FKBP5: variants seen among roughly 807,000 people sequenced by gnomAD.
FKBP5 encodes the protein FKBP prolyl isomerase 5, also known as peptidyl-prolyl cis-trans isomerase FKBP5.
In FKBP5, 23 loss-of-function variants were observed where a neutral mutation model predicts 50.5. The ratio of observed to expected loss-of-function variants is 0.46; its 90% CI spans 0.33 to 0.65. The LOEUF is 0.65. FKBP5 is among the 30% of genes least tolerant of loss of function. FKBP5 has a pLI of 0.02. For synonymous variants in FKBP5, 176 were observed against 190.6 expected (o/e 0.92, Z 0.63); for missense variants, 411 against 553.1 (o/e 0.74, Z 2.58).
upstream of FKBP5, among the ~76,000 whole-genome samples, chr6:35,689,397 C>A (rs960547109): frequency 2.6e-5 from 4 of 152,092 alleles, no homozygotes; most frequent in African/African-American, 9.7e-5. Flanking sequence ...GTCTAAGATG[C>A]CCAGTCGGGA....
chr6:35,677,199 A>G (rs981314430), intron 1 of FKBP5, among the ~76,000 whole-genome samples: 15 of 152,118 alleles, frequency 9.9e-5, no homozygotes, highest in Middle Eastern at 6.8e-3. Context: ...TCAGCCTCCC[A>G]AGTAGCTGGG....
intron 6 of FKBP5, among the ~76,000 whole-genome samples, chr6:35,592,705 A>G (rs1229812432): frequency 1.3e-5 from 2 of 152,226 alleles, no homozygotes; most frequent in Non-Finnish European, 2.9e-5. Context: ...GCCTTAGACC[A>G]GCAGATCTCA....
chr6:35,671,824 A>G (rs189944233), intron 1 of FKBP5, among the ~76,000 whole-genome samples: 12 of 152,332 alleles, frequency 7.9e-5, no homozygotes, highest in African/African-American at 2.9e-4. Context: ...AGAAACCTAC[A>G]CACACAAACT....
At position 35,694,441 on chromosome 6, in the gene FKBP5, C is replaced by G. The variant is rs11969123; in HGVS notation, c.-20+25887G>C. Among the ~76,000 whole-genome samples, 1,069 of 152,346 alleles carry G rather than the reference C, an allele frequency of 7.0e-3. 11 individuals carry two copies. Among genetic ancestry groups the G allele is most frequent in the African/African-American group, 0.022 (923 of 41,572 alleles). ...GGATTATAAGTGTGAGCCACCACTC[C>G]CTGCCCCATTATCAGTTTTTAGTGA... On this transcript the variant is annotated intron_variant, in intron 2 of 11. Transcript: ENST00000536438.
chr6:35,582,302 T>C, intron 8 of FKBP5: 6 of 985,206 alleles, frequency 6.1e-6, no homozygotes, highest in Non-Finnish European at 6.0e-6. Flanking sequence ...AGATTTGCTA[T>C]GGACTGAATT....
At chr6:35,583,515 GAA>G (rs1432835683) in intron 8 of FKBP5, 2 of 985,262 alleles carry the variant, frequency 2.0e-6, no homozygotes, top group Non-Finnish European at 2.4e-6. Context: ...TCCAATTAGC[GAA>G]AAGTCTGTCT....
chr6:35,684,569 C>G (rs1765769753), intron 1 of FKBP5, among the ~76,000 whole-genome samples: 1 of 152,164 alleles, frequency 6.6e-6, no homozygotes, highest in Admixed American at 6.5e-5. Context: ...TCACAATTTT[C>G]AATATCTTTT....
intron 2 of FKBP5, among the ~76,000 whole-genome samples, chr6:35,712,447 G>C (rs1427628727): frequency 2.0e-5 from 3 of 152,036 alleles, no homozygotes; most frequent in Non-Finnish European, 2.9e-5. Flanking sequence ...GTATCTTCCA[G>C]GGAGATATGC....
chr6:35,702,567 C>T (rs544272476), intron 2 of FKBP5, among the ~76,000 whole-genome samples: 2 of 151,908 alleles, frequency 1.3e-5, no homozygotes, highest in Non-Finnish European at 2.9e-5. Context: ...ATTCTACTGC[C>T]TCAACTTCCC....
chr6:35,576,841 C>T (rs189902349), intron 10 of FKBP5, among the ~76,000 whole-genome samples, 153 bp downstream of exon 10: 15 of 152,292 alleles, frequency 9.8e-5, no homozygotes, highest in Admixed American at 2.6e-4. Flanking sequence ...CTGCCCTACT[C>T]GACCTTTGGA....
At chr6:35,692,580 CCT>C (rs1766008913), upstream of FKBP5, among the ~76,000 whole-genome samples, 1 of 152,188 alleles carries the variant, frequency 6.6e-6, no homozygotes, top group South Asian at 2.1e-4. Flanking sequence ...GGGCGGATCA[CCT>C]GAGGTCAGGA....
intron 2 of FKBP5, among the ~76,000 whole-genome samples, chr6:35,642,430 T>G (rs1018757144): frequency 3.3e-5 from 5 of 151,996 alleles, no homozygotes; most frequent in African/African-American, 1.2e-4. Context: ...AGATGCCCTC[T>G]CTCAAAAATT....
chr6:35,586,439 T>C (rs879202523), intron 8 of FKBP5: 2 of 985,388 alleles, frequency 2.0e-6, no homozygotes, highest in Admixed American at 1.2e-4. Flanking sequence ...TCTCTCCTTT[T>C]ATCATATGCT....
chr6:35,634,006 AT>A (rs897634913), intron 3 of FKBP5, among the ~76,000 whole-genome samples: 4 of 152,196 alleles, frequency 2.6e-5, no homozygotes, highest in African/African-American at 9.6e-5. Flanking sequence ...TTTAAAAAAA[AT>A]AACTCAGAAA....
intron 2 of FKBP5, among the ~76,000 whole-genome samples, chr6:35,716,108 G>A (rs983844140): frequency 5.3e-5 from 8 of 152,088 alleles, no homozygotes; most frequent in African/African-American, 9.7e-5. Flanking sequence ...GCAATGGCTC[G>A]CATCTGTAAT....
In FKBP5 at chr6:35,605,700, C is replaced by T. The variant is rs150980945; in HGVS notation, c.509-8296G>A. On this transcript the variant is annotated intron_variant, in intron 5 of 10. Coordinates refer to ENST00000357266, the MANE Select transcript of FKBP5 (RefSeq NM_004117.4). The stretch of plus-strand genomic sequence containing the variant: ...GGTGTGAACCACTGCACCCAGCCGT[C>T]AATATCATACTGAACGGGCAAAAGT... Among the ~76,000 whole-genome samples the T allele has an allele frequency of 7.3e-3, 1,107 of 152,106 alleles. 11 individuals carry two copies. The highest frequency in any genetic ancestry group is 0.023 in the African/African-American group (955 of 41,520).
intron 7 of FKBP5, 64 bp from the exon 8 acceptor site, chr6:35,587,181 G>A: frequency 1.4e-6 from 2 of 1,394,304 alleles, no homozygotes; most frequent in Non-Finnish European, 2.0e-6. Flanking sequence ...GAGGCCTATT[G>A]GAACAAAGAG....
At chr6:35,583,113 C>T (rs1451870144) in intron 8 of FKBP5, 4 of 985,202 alleles carry the variant, frequency 4.1e-6, no homozygotes, top group Non-Finnish European at 4.8e-6. Context: ...ACAACAAAAC[C>T]TTTTGCTATC....
In FKBP5 at chr6:35,574,444, ATGCTCAATC is replaced by A. The variant is rs1188438176; in HGVS notation, c.*1382_*1390del. ...TCTTAGGCTGAGGGAATAGAGAGCCATGCTCAATCTGTTTACCCGTAAGGACTGAAATTC... is the reference window on the plus strand; with the variant it reads ...TCTTAGGCTGAGGGAATAGAGAGCCATGTTTACCCGTAAGGACTGAAATTC... On this transcript the variant is annotated 3_prime_UTR_variant, in exon 11 of 11. Coordinates refer to ENST00000357266, the MANE Select transcript of FKBP5 (RefSeq NM_004117.4). The A allele has an allele frequency of 6.6e-6, 1 of 152,370 alleles. No individual in the cohort carries two copies. The highest frequency in any genetic ancestry group is 6.5e-5 in the Admixed American group (1 of 15,306). The allele number at this position is 152,370 out of a possible 1,614,324, so 9.4% of individuals were successfully genotyped here.
Sources: gnomAD v4.1 joint callset for allele counts (sites outside exome capture counted in the v4.1 genomes callset) on GRCh38, gnomAD v4.1.1 for gene constraint, MANE v1.5 for transcripts, NCBI Gene and HGNC (gene_info 2026-07-23, HGNC 2026-07-21) for gene names.